The following IL12RB2 variants were observed in gnomAD, a reference collection of about 807,000 sequenced individuals.
IL12RB2 encodes interleukin 12 receptor subunit beta 2, also known as interleukin-12 receptor subunit beta-2.
Under a neutral mutation model 89.4 loss-of-function variants are expected in IL12RB2, and 82 were observed. That is an observed-to-expected ratio of 0.92 (90% CI 0.77 to 1.10). IL12RB2 has a LOEUF of 1.10. Among genes scored for constraint, IL12RB2 ranks in the 50% least tolerant of loss-of-function variants. The probability of loss-of-function intolerance (pLI) is 0.00; values close to 1 mark genes in which losing one functional copy is unlikely to be tolerated. For missense variants in IL12RB2, 963 were observed against 1,031.9 expected (o/e 0.93, Z 0.92); for synonymous variants, 368 against 370.1 (o/e 0.99, Z 0.07).
At position 67,396,330 on chromosome 1, in the gene IL12RB2, A is replaced by G. The variant is rs1666366668; in HGVS notation, c.*241A>G. 1 of 585,188 alleles carries G rather than the reference A, an allele frequency of 1.7e-6. No homozygotes were observed. The highest frequency in any genetic ancestry group is 3.1e-6 in the Non-Finnish European group (1 of 326,522). 36.2% of individuals were successfully genotyped at this position (585,188 alleles called of 1,614,324 possible). A position where few individuals can be genotyped will look rare whatever the true frequency, so the allele number is the denominator to read the frequency against. On this transcript the variant is annotated 3_prime_UTR_variant, in exon 17 of 17. Coordinates refer to ENST00000674203, the MANE Select transcript of IL12RB2 (RefSeq NM_001374259.2). ...TACATCCTTCACTGTGTGGACCTAG[A>G]GACTCCAACTTGAATTCCTAGTAAC...
intron 2 of IL12RB2, among the ~76,000 whole-genome samples, chr1:67,316,269 C>T (rs1191489035): frequency 1.3e-5 from 2 of 152,106 alleles, no homozygotes; most frequent in African/African-American, 4.8e-5. Flanking sequence ...AGGGTTCACT[C>T]TGACCTGAAG....
intron 10 of IL12RB2, among the ~76,000 whole-genome samples, chr1:67,358,496 A>G (rs1661642541): frequency 6.6e-6 from 1 of 152,184 alleles, no homozygotes; most frequent in South Asian, 2.1e-4. Context: ...GAATCGCTTG[A>G]AGCCAGGAGA....
chr1:67,338,579 G>C (rs767005706), intron 8 of IL12RB2, 45 bp from the exon 9 acceptor site: 1 of 899,902 alleles, frequency 1.1e-6, no homozygotes, highest in South Asian at 1.3e-5. Flanking sequence ...AACTTTCAAA[G>C]TAGTAAATAT....
chr1:67,393,582 A>C (rs1314522794), intron 16 of IL12RB2, among the ~76,000 whole-genome samples: 2 of 152,246 alleles, frequency 1.3e-5, no homozygotes, highest in Admixed American at 6.5e-5. Flanking sequence ...GGTAGTGATC[A>C]GAAAAGAGCA....
In IL12RB2 at chr1:67,331,739, T is replaced by C. The variant is rs141270015; in HGVS notation, c.958+929T>C. On this transcript the variant is annotated intron_variant, in intron 8 of 16. Transcript: ENST00000674203. ...CTGTAATCCCAGCCATTCGGGAGGC[T>C]AAGGCAGGAGAATCACTTGAACCCA... Among the ~76,000 whole-genome samples, 513 of 152,222 alleles carry C rather than the reference T, an allele frequency of 3.4e-3. 4 individuals carry two copies. Among genetic ancestry groups the C allele is most frequent in the African/African-American group, 0.011 (453 of 41,540 alleles).
At chr1:67,351,740 C>T (rs1048709807) in intron 10 of IL12RB2, among the ~76,000 whole-genome samples, 5 of 152,130 alleles carry the variant, frequency 3.3e-5, no homozygotes, top group Non-Finnish European at 2.9e-5. Context: ...AGTTTAGACA[C>T]GTATCCAATT....
chr1:67,372,647 T>A lies in IL12RB2; in HGVS notation c.1581T>A (p.Ile527=). The change falls in exon 13 of 17, where the codon ATT becomes ATA. Residue 527 remains isoleucine, a synonymous_variant. Transcript: ENST00000674203. ...CAGCACCACTGAGTGGCCCCCACAT[T>A]AATGCCATCACAGAGGAAAAGGGGA... ...KHKAPLSGPH[I]NAITEEKGSI... is the part of the protein sequence containing the mutation. The A allele has an allele frequency of 4.3e-6, 7 of 1,613,758 alleles. No homozygotes were observed. The highest frequency in any genetic ancestry group is 5.9e-6 in the Non-Finnish European group (7 of 1,179,626).
intron 14 of IL12RB2, 92 bp from the exon 15 acceptor site, chr1:67,386,487 G>A: frequency 1.2e-6 from 1 of 867,846 alleles, no homozygotes; most frequent in Non-Finnish European, 2.0e-6. Flanking sequence ...CAGGAACTGT[G>A]GGTAAGGCCC....
intron 9 of IL12RB2, among the ~76,000 whole-genome samples, chr1:67,345,900 G>A (rs185991113): frequency 6.6e-6 from 1 of 152,290 alleles, no homozygotes; most frequent in Admixed American, 6.5e-5. Flanking sequence ...AGAAAGAGGA[G>A]ATGGAAAGGG....
Position 67,312,443 on chromosome 1 carries a change from G to C in IL12RB2, c.-124-1470G>C, listed in dbSNP as rs566678876. Among the ~76,000 whole-genome samples, 6 of 152,142 alleles carry C rather than the reference G, an allele frequency of 3.9e-5. No individual in the cohort carries two copies. The South Asian group carries it at 1.2e-3, about 32-fold the overall frequency. On this transcript the variant is annotated intron_variant, in intron 1 of 16. Transcript: ENST00000674203. ...TTTCTTTCTTTTTACTGTTATATTGGAGAAATGCTTGTTCAATCTATAGGA... is the reference window on the plus strand; with the variant it reads ...TTTCTTTCTTTTTACTGTTATATTGCAGAAATGCTTGTTCAATCTATAGGA...
chr1:67,341,491 G>GAGAAAGAGAAAGAAAGAAAGAGAAAC (rs143813418), intron 9 of IL12RB2, among the ~76,000 whole-genome samples: 1 of 39,836 alleles, frequency 2.5e-5, no homozygotes, highest in Non-Finnish European at 6.5e-5. Flanking sequence ...AGAGAAAATA[G>GAGAAAGAGAAAGAAAGAAAGAGAAAC]AGAAAGAGAA....
chr1:67,351,224 CTT>C (rs149208943), intron 10 of IL12RB2, 135 bp downstream of exon 10: 8 of 1,439,322 alleles, frequency 5.6e-6, no homozygotes, highest in Middle Eastern at 4.9e-4. Context: ...CTTTCAGAGG[CTT>C]TTTTTTTCTT....
rs188126857 is a variant in IL12RB2 at position 67,380,241 on chromosome 1, C to T, written c.1855+118C>T. ...CTTTAATTCACTAAAAACTTTCTTG[C>T]TGTCACTTTACACTTGCTGTTTCTC... On this transcript the variant is annotated intron_variant, in intron 14 of 16. Transcript: ENST00000674203. 3.9e-5 allele frequency: 41 copies of T among 1,050,798 alleles called. 1 individual carries two copies. In the East Asian group the frequency reaches 9.0e-4, roughly 23 times the overall value. The allele number at this position is 1,050,798 out of a possible 1,614,324, so 65.1% of individuals were successfully genotyped here.
intron 13 of IL12RB2, among the ~76,000 whole-genome samples, chr1:67,374,550 A>G (rs1246524806): frequency 6.8e-6 from 1 of 146,192 alleles, no homozygotes; most frequent in African/African-American, 2.6e-5. Flanking sequence ...ATCTCAGCTT[A>G]CTGCAACCTC....
chr1:67,346,263 TAA>T (rs1660208948), intron 9 of IL12RB2, among the ~76,000 whole-genome samples: 1 of 151,086 alleles, frequency 6.6e-6, no homozygotes. Context: ...TGAAAAGTGT[TAA>T]GTTATTGTTA....
chr1:67,371,838 C>T (rs1283393596), intron 11 of IL12RB2, among the ~76,000 whole-genome samples: 2 of 152,160 alleles, frequency 1.3e-5, no homozygotes, highest in East Asian at 3.9e-4. Context: ...GATGGGGTAA[C>T]AAGGGGTCGG....
At chr1:67,380,273 A>G (rs1664436406) in intron 14 of IL12RB2, 150 bp downstream of exon 14, 1 of 786,530 alleles carries the variant, frequency 1.3e-6, no homozygotes, top group South Asian at 1.5e-5. Flanking sequence ...TCTCCTAAAT[A>G]GAATGCTTTA....
chr1:67,351,587 A>G (rs1481782347), intron 10 of IL12RB2, among the ~76,000 whole-genome samples: 1 of 152,216 alleles, frequency 6.6e-6, no homozygotes, highest in Non-Finnish European at 1.5e-5. Flanking sequence ...GCTTAAGCCC[A>G]GGAGTTCCAC....
rs543952904 is a variant in IL12RB2, at chr1:67,331,465, G to T, written c.958+655G>T. Among the ~76,000 whole-genome samples, 11 of 152,240 alleles carry T rather than the reference G, an allele frequency of 7.2e-5. No homozygotes were observed. The South Asian group carries it at 2.3e-3, about 32-fold the overall frequency. On this transcript the variant is annotated intron_variant, in intron 8 of 16. Transcript: ENST00000674203. ...AAGTATAAGAAAATATTTTATTGAA[G>T]CAAAAATGCCTATGTAAACTTTATG...
Sources: gnomAD v4.1 joint callset for allele counts (sites outside exome capture counted in the v4.1 genomes callset) on GRCh38, gnomAD v4.1.1 for gene constraint, MANE v1.5 for transcripts, NCBI Gene and HGNC (gene_info 2026-07-23, HGNC 2026-07-21) for gene names.